Variants in ADK observed in about 807,000 individuals in gnomAD.
ADK encodes the protein N6,N6-dimethyladenosine kinase.
Under a neutral mutation model 44.7 loss-of-function variants are expected in ADK, and 24 were observed. That is an observed-to-expected ratio of 0.54 (90% CI 0.39 to 0.76). The LOEUF (loss-of-function observed/expected upper bound fraction) is 0.76, where lower values mean the gene tolerates loss of function less well. Among genes scored for constraint, ADK ranks in the 30% least tolerant of loss-of-function variants. The pLI, the probability that ADK is intolerant of heterozygous loss-of-function variation, is 0.00. For missense variants in ADK, 321 were observed against 425.1 expected (o/e 0.76, Z 2.15); for synonymous variants, 128 against 142.6 (o/e 0.90, Z 0.73).
intron 9 of ADK, among the ~76,000 whole-genome samples, chr10:74,662,230 C>T (rs1854761437): frequency 1.3e-5 from 2 of 152,054 alleles, no homozygotes; most frequent in African/African-American, 4.8e-5. Flanking sequence ...GTTATTGACC[C>T]CACCCTCAAC....
intron 6 of ADK, among the ~76,000 whole-genome samples, chr10:74,460,388 G>A (rs1402263723): frequency 6.6e-6 from 1 of 152,146 alleles, no homozygotes; most frequent in Non-Finnish European, 1.5e-5. Flanking sequence ...CTGCAACTGT[G>A]AGATTTCAGA....
At chr10:74,366,927 C>T (rs1252769933) in intron 4 of ADK, among the ~76,000 whole-genome samples, 3 of 152,174 alleles carry the variant, frequency 2.0e-5, no homozygotes, top group Non-Finnish European at 2.9e-5. Flanking sequence ...GAGACCCTGT[C>T]TCAGAAAGCA....
At chr10:74,360,000 A>G (rs1842283510) in intron 4 of ADK, among the ~76,000 whole-genome samples, 1 of 152,190 alleles carries the variant, frequency 6.6e-6, no homozygotes, top group Non-Finnish European at 1.5e-5. Context: ...GTATCTGACA[A>G]CTTAATAAAT....
chr10:74,201,170 C>G (rs1234295606), intron 2 of ADK, among the ~76,000 whole-genome samples: 1 of 152,166 alleles, frequency 6.6e-6, no homozygotes, highest in Non-Finnish European at 1.5e-5. Flanking sequence ...TCATAATCTA[C>G]AGACATTCTA....
chr10:74,266,294 C>T (rs188020096), intron 3 of ADK, among the ~76,000 whole-genome samples: 1 of 152,166 alleles, frequency 6.6e-6, no homozygotes, highest in African/African-American at 2.4e-5. Context: ...CACAGTGGCT[C>T]ACGCCTGTAA....
At chr10:74,401,690 A>C (rs911292003) in intron 6 of ADK, among the ~76,000 whole-genome samples, 2 of 151,814 alleles carry the variant, frequency 1.3e-5, no homozygotes, top group African/African-American at 2.4e-5. Flanking sequence ...TCTTGACTCT[A>C]TCCAATTTGC....
chr10:74,517,654 A>G (rs113716098), intron 6 of ADK, among the ~76,000 whole-genome samples: 1 of 150,804 alleles, frequency 6.6e-6, no homozygotes, highest in African/African-American at 2.4e-5. Flanking sequence ...GCACCACTGC[A>G]CTCTAGTCTA....
chr10:74,440,564 G>T (rs1845367367), intron 6 of ADK, among the ~76,000 whole-genome samples: 1 of 152,126 alleles, frequency 6.6e-6, no homozygotes, highest in South Asian at 2.1e-4. Flanking sequence ...TAAAATAAAT[G>T]ATCTACCATT....
At chr10:74,224,741 C>A in intron 3 of ADK, 150 bp downstream of exon 3, 2 of 695,180 alleles carry the variant, frequency 2.9e-6, no homozygotes, top group Non-Finnish European at 2.5e-6. Context: ...ATAACCTACA[C>A]TATATAATTT....
intron 7 of ADK, among the ~76,000 whole-genome samples, chr10:74,553,491 G>A (rs956394884): frequency 5.9e-5 from 9 of 151,898 alleles, no homozygotes; most frequent in Admixed American, 3.9e-4. Context: ...GAGCCACCGC[G>A]CCTGGCCTAT....
At chr10:74,510,158 C>G (rs558261330) in intron 6 of ADK, among the ~76,000 whole-genome samples, 1 of 152,258 alleles carries the variant, frequency 6.6e-6, no homozygotes, top group South Asian at 2.1e-4. Context: ...GAAACTCCAA[C>G]TATTCTCCAT....
intron 6 of ADK, among the ~76,000 whole-genome samples, chr10:74,482,059 GTC>G (rs1386132878): frequency 2.0e-5 from 3 of 152,168 alleles, no homozygotes; most frequent in African/African-American, 7.2e-5. Flanking sequence ...CAAATTTTAA[GTC>G]TGTTGTTAAA....
At chr10:74,205,905 G>A (rs1591851426) in intron 2 of ADK, among the ~76,000 whole-genome samples, 2 of 152,242 alleles carry the variant, frequency 1.3e-5, no homozygotes, top group East Asian at 3.9e-4. Context: ...AACTGGTAGT[G>A]TGATGCTTAT....
intron 9 of ADK, among the ~76,000 whole-genome samples, chr10:74,637,466 A>T (rs1749547117): frequency 6.6e-6 from 1 of 152,212 alleles, no homozygotes; most frequent in South Asian, 2.1e-4. Flanking sequence ...TAATCAAGTT[A>T]ATTCCTCTTT....
At chr10:74,527,466 G>A in intron 7 of ADK, 1 of 537,250 alleles carries the variant, frequency 1.9e-6, no homozygotes, top group Non-Finnish European at 3.4e-6. Flanking sequence ...ATGCTATTTG[G>A]ACTTTATAGT....
chr10:74,213,019 G>T (rs1024153514), intron 2 of ADK, among the ~76,000 whole-genome samples: 4 of 152,164 alleles, frequency 2.6e-5, no homozygotes, highest in African/African-American at 9.7e-5. Flanking sequence ...ATTGAGTTTT[G>T]TTCAAGCTTG....
intron 3 of ADK, among the ~76,000 whole-genome samples, chr10:74,261,853 A>G (rs1396377618): frequency 1.4e-5 from 2 of 146,718 alleles, no homozygotes; most frequent in Non-Finnish European, 3.0e-5. Context: ...TTTTTTTTTC[A>G]TTGTTCTGAG....
chr10:74,289,545 T>C (rs1004782777), intron 3 of ADK, among the ~76,000 whole-genome samples: 1 of 152,192 alleles, frequency 6.6e-6, no homozygotes, highest in African/African-American at 2.4e-5. Context: ...CTTTCTGATT[T>C]GGAGTGTTAT....
intron 4 of ADK, among the ~76,000 whole-genome samples, chr10:74,319,986 TA>T (rs1050213915): frequency 1.3e-5 from 2 of 152,186 alleles, no homozygotes; most frequent in African/African-American, 4.8e-5. Context: ...CATATAAAAA[TA>T]AAAGGAATTA....
Sources: allele counts gnomAD v4.1 joint callset (sites outside exome capture counted in the v4.1 genomes callset), GRCh38; gene constraint gnomAD v4.1.1; transcripts MANE v1.5; gene names NCBI Gene and HGNC (gene_info 2026-07-23, HGNC 2026-07-21).